UBN1: variants seen among roughly 807,000 people sequenced by gnomAD.
UBN1 encodes the protein ubinuclein 1, also known as ubinuclein-1.
A neutral mutation model predicts 108.5 loss-of-function variants in UBN1; 17 were observed. That is an observed-to-expected ratio of 0.16 (90% CI 0.11 to 0.24). The LOEUF is 0.24. UBN1 is among the 10% of genes least tolerant of loss of function. The probability of loss-of-function intolerance (pLI) is 1.00; values close to 1 mark genes in which losing one functional copy is unlikely to be tolerated. For synonymous variants in UBN1, 726 were observed against 564.2 expected (o/e 1.29, Z -4.07); for missense variants, 1,595 against 1,394.4 (o/e 1.14, Z -2.29).
chr16:4,872,428 C>A, intron 12 of UBN1: 2 of 527,722 alleles, frequency 3.8e-6, no homozygotes, highest in Non-Finnish European at 2.3e-6. Context: ...TTTGGCTCCC[C>A]AATCCATTGA....
chr16:4,852,011 A>G (rs745527764), intron 1 of UBN1, among the ~76,000 whole-genome samples: 2 of 152,166 alleles, frequency 1.3e-5, no homozygotes, highest in Non-Finnish European at 2.9e-5. Flanking sequence ...AATTTATTCA[A>G]CCATTCCCTG....
chr16:4,853,451 C>G (rs2086647018), intron 2 of UBN1, among the ~76,000 whole-genome samples: 1 of 152,060 alleles, frequency 6.6e-6, no homozygotes, highest in Admixed American at 6.6e-5. Flanking sequence ...CCTGACAGTT[C>G]CAGTGTTAGA....
At chr16:4,868,729 T>G in intron 7 of UBN1, 104 bp from the exon 8 acceptor site, 1 of 1,095,340 alleles carries the variant, frequency 9.1e-7, no homozygotes, top group East Asian at 2.5e-5. Context: ...GTGACTGTAT[T>G]GACAGGTGCT....
intron 2 of UBN1, among the ~76,000 whole-genome samples, chr16:4,856,233 A>C (rs2086803475): frequency 6.6e-6 from 1 of 152,204 alleles, no homozygotes; most frequent in Non-Finnish European, 1.5e-5. Flanking sequence ...GGGACTACAG[A>C]TGCCCTTCAC....
At chr16:4,879,290 A>G (rs1261747657) in intron 17 of UBN1, among the ~76,000 whole-genome samples, 1 of 152,180 alleles carries the variant, frequency 6.6e-6, no homozygotes, top group African/African-American at 2.4e-5. Context: ...ATTATGAGTC[A>G]GTTTTTAAAA....
chr16:4,880,358 T>C lies in UBN1; in HGVS notation c.*226T>C. 1 of 537,438 alleles carries C rather than the reference T, an allele frequency of 1.9e-6. No homozygotes were observed. Among genetic ancestry groups the C allele is most frequent in the Non-Finnish European group, 3.4e-6 (1 of 296,918 alleles). The allele number at this position is 537,438 out of a possible 1,614,324, so 33.3% of individuals were successfully genotyped here. On this transcript the variant is annotated 3_prime_UTR_variant, in exon 18 of 18. Coordinates refer to ENST00000262376, the MANE Select transcript of UBN1 (RefSeq NM_001079514.3). ...TGCCCCGTGCTCTGGGCCTTGCAGC[T>C]CTGTCGCTAGACGGTTGTTAGAGGG...
intron 2 of UBN1, among the ~76,000 whole-genome samples, chr16:4,856,296 G>A (rs2086806339): frequency 6.6e-6 from 1 of 152,192 alleles, no homozygotes; most frequent in Non-Finnish European, 1.5e-5. Context: ...CCAATTCAGA[G>A]GATTCAGTCC....
At position 4,874,618 on chromosome 16, in the gene UBN1, C is replaced by G. The variant is rs1191520617; in HGVS notation, c.2208C>G (p.Leu736=). The G allele has an allele frequency of 2.5e-6, 4 of 1,614,118 alleles. No individual in the cohort carries two copies. Among genetic ancestry groups the G allele is most frequent in the Non-Finnish European group, 8.5e-7 (1 of 1,180,050 alleles). Residue 736 remains leucine, a synonymous_variant, in exon 15 of 18, where the codon CTC becomes CTG. Coordinates refer to ENST00000262376, the MANE Select transcript of UBN1 (RefSeq NM_001079514.3). ...CAGCTAGCTCTCTGCAGTCACCCCT[C>G]AATTTTCTGGCAGAACAGGCTCTGG... ...PPPASSLQSP[L]NFLAEQALAL...
At chr16:4,864,383 T>G (rs1311484425) in intron 7 of UBN1, among the ~76,000 whole-genome samples, 1 of 152,214 alleles carries the variant, frequency 6.6e-6, no homozygotes, top group Non-Finnish European at 1.5e-5. Context: ...CTTAAAACTT[T>G]AAAAAATGTC....
chr16:4,868,651 T>G (rs1287241962), intron 7 of UBN1, among the ~76,000 whole-genome samples, 182 bp from the exon 8 acceptor site: 2 of 152,132 alleles, frequency 1.3e-5, no homozygotes, highest in African/African-American at 4.8e-5. Flanking sequence ...GCAGCAGCAT[T>G]TGAAAAGAGA....
intron 11 of UBN1, 51 bp downstream of exon 11, chr16:4,871,023 C>G: frequency 6.2e-7 from 1 of 1,609,616 alleles, no homozygotes. Context: ...GGGGCAGTGT[C>G]TGAGCACGTC....
rs921774129 is a variant in UBN1 at position 4,877,307 on chromosome 16, TG to T, written c.3266-76del. 1.7e-5 allele frequency: 27 copies of T among 1,550,148 alleles called. 1 individual carries two copies. The African/African-American group carries it at 3.4e-4, about 19-fold the overall frequency. On this transcript the variant is annotated intron_variant, in intron 16 of 17. Coordinates refer to ENST00000262376, the MANE Select transcript of UBN1 (RefSeq NM_001079514.3). The surrounding 1 kb of genome is among the most constrained non-coding windows in gnomAD (Gnocchi z 4.3). ...GGCCTGGCAGGTTATCGGGGGCTTT[TG>T]GCTGCTGGAGCTGCTTTCCTGTTCC...
intron 1 of UBN1, among the ~76,000 whole-genome samples, chr16:4,848,717 G>A (rs2086348404): frequency 6.6e-6 from 1 of 152,088 alleles, no homozygotes; most frequent in South Asian, 2.1e-4. Flanking sequence ...AAGATTCCAG[G>A]GAATAATTTG....
intron 1 of UBN1, among the ~76,000 whole-genome samples, chr16:4,849,613 C>T (rs930273170): frequency 6.8e-6 from 1 of 146,378 alleles, no homozygotes; most frequent in Admixed American, 6.7e-5. Flanking sequence ...TTGTTTGAGA[C>T]GGAGTTTCAC....
At position 4,882,120 on chromosome 16, in the gene UBN1, GCAA is replaced by G. The variant is rs2088090774; in HGVS notation, c.*1989_*1991del. The G allele has an allele frequency of 6.6e-6, 1 of 152,536 alleles. No homozygotes were observed. 9.4% of individuals were successfully genotyped at this position (152,536 alleles called of 1,614,324 possible). A position where few individuals can be genotyped will look rare whatever the true frequency, so the allele number is the denominator to read the frequency against. On this transcript the variant is annotated 3_prime_UTR_variant, in exon 18 of 18. Transcript: ENST00000262376. ...AAGAGCGAATGACTGAACAGCCATG[GCAA>G]GGCAGACCTACAGGCGAGGCCGCAG...
In UBN1 at chr16:4,868,916, T is replaced by C; in HGVS notation, c.1181+13T>C. ...GAATCCTATTAGAGTGAGTATCGTC[T>C]GTCTGTCTGTCTGTCTGTCTGTTTC... On this transcript the variant is annotated intron_variant, in intron 8 of 17. Transcript: ENST00000262376. 1 of 1,578,208 alleles carries C rather than the reference T, an allele frequency of 6.3e-7. No homozygotes were observed.
chr16:4,853,056 A>G lies in UBN1; in HGVS notation c.139A>G (p.Ile47Val), dbSNP rs2086630582. Residue 47 changes from isoleucine to valine, a missense_variant, in exon 2 of 18, where the codon ATT becomes GTT. Ile to Val is a conservative substitution (Grantham distance 29). Around this residue, in one of 3 missense-constraint regions of UBN1, gnomAD observed 181 missense variants for 157.3 expected, o/e 1.15. Coordinates refer to ENST00000262376, the MANE Select transcript of UBN1 (RefSeq NM_001079514.3). The part of the protein sequence containing the change: ...DCEPAAAAVR[I>V]TLTLFEPDHK... ...TGAGCCGGCTGCAGCAGCTGTTCGG[A>G]TTACACTCACCCTCTTTGAACCAGA... 6.2e-7 allele frequency: 1 copy of G among 1,614,220 alleles called. No homozygotes were observed. Among genetic ancestry groups the G allele is most frequent in the African/African-American group, 1.3e-5 (1 of 75,052 alleles).
chr16:4,875,256 C>G lies in UBN1; in HGVS notation c.2846C>G (p.Pro949Arg). The G allele has an allele frequency of 6.2e-7, 1 of 1,614,248 alleles. No individual in the cohort carries two copies. The highest frequency in any genetic ancestry group is 1.1e-5 in the South Asian group (1 of 91,088). The change falls in exon 15 of 18, where the codon CCC (proline) becomes CGC (arginine). Residue 949 changes from proline (P) to arginine (R), a missense_variant. By Grantham distance (103) the Pro-to-Arg change is moderately radical. Transcript: ENST00000262376. Reference protein sequence around the residue: ...PPSVGQATSRPVPSSAGKKMP... With the variant: ...PPSVGQATSRRVPSSAGKKMP... Reference sequence around the variant, plus strand: ...TCCGTGGGACAGGCCACCAGCCGACCCGTCCCAAGTTCAGCAGGGAAAAAA... The same window carrying G: ...TCCGTGGGACAGGCCACCAGCCGACGCGTCCCAAGTTCAGCAGGGAAAAAA...
rs879628275 is a variant in UBN1 at position 4,848,085 on chromosome 16, G to T, written c.-165G>T. 1 of 151,996 alleles carries T rather than the reference G, an allele frequency of 6.6e-6. No individual in the cohort carries two copies. The highest frequency in any genetic ancestry group is 6.6e-5 in the Admixed American group (1 of 15,262). The allele number at this position is 151,996 out of a possible 1,614,324, so 9.4% of individuals were successfully genotyped here. On this transcript the variant is annotated 5_prime_UTR_variant, in exon 1 of 18. Coordinates refer to ENST00000262376, the MANE Select transcript of UBN1 (RefSeq NM_001079514.3). Reference sequence around the variant, plus strand: ...CGGGGACCCGGCCATGGGCCGAGGCGCGGGCCGCCCGCCCGCTGGGAGCCA... The same window carrying T: ...CGGGGACCCGGCCATGGGCCGAGGCTCGGGCCGCCCGCCCGCTGGGAGCCA...
Sources: gnomAD v4.1 joint callset for allele counts (sites outside exome capture counted in the v4.1 genomes callset) on GRCh38, gnomAD v4.1.1 for gene constraint, gnomAD v4.1.1 regional missense constraint, Gnocchi (gnomAD v3.1) non-coding constraint, MANE v1.5 for transcripts, NCBI Gene and HGNC (gene_info 2026-07-23, HGNC 2026-07-21) for gene names.